The following STXBP5L variants were observed in gnomAD, a reference collection of about 807,000 sequenced individuals.
STXBP5L encodes the protein syntaxin binding protein 5L, also known as syntaxin-binding protein 5-like.
STXBP5L carries 65 observed loss-of-function variants against 144.5 expected under a neutral mutation model. The observed-to-expected ratio is 0.45, with a 90% CI of 0.37 to 0.55. The LOEUF (loss-of-function observed/expected upper bound fraction) is 0.55. Among genes scored for constraint, STXBP5L ranks in the 20% least tolerant of loss-of-function variants. The pLI is 0.00. For synonymous variants in STXBP5L, 505 were observed against 469.6 expected (o/e 1.08, Z -0.97); for missense variants, 1,298 against 1,405.5 (o/e 0.92, Z 1.22).
intron 5 of STXBP5L, among the ~76,000 whole-genome samples, chr3:121,054,169 G>A (rs1410050530): frequency 1.3e-5 from 2 of 152,162 alleles, no homozygotes; most frequent in Non-Finnish European, 2.9e-5. Context: ...CAACCATTGT[G>A]GAAGTCAGTG....
rs2047308151 is a variant in STXBP5L at position 121,419,169 on chromosome 3, TCAACTGCTAG to T, written c.*73_*82del. The T allele has an allele frequency of 4.3e-6, 6 of 1,392,424 alleles. No individual in the cohort carries two copies. The highest frequency in any genetic ancestry group is 5.0e-6 in the Non-Finnish European group (5 of 1,008,286). The allele number at this position is 1,392,424 out of a possible 1,614,324, so 86.3% of individuals were successfully genotyped here. On this transcript the variant is annotated 3_prime_UTR_variant, in exon 27 of 27. Transcript: ENST00000471454. ...CCAAATTTATTCCCAGCATCACTAC[TCAACTGCTAG>T]AAGCCAGTTTCTTCTACAAAATGTT...
At chr3:121,269,959 G>A (rs763486493) in intron 18 of STXBP5L, among the ~76,000 whole-genome samples, 13 of 152,162 alleles carry the variant, frequency 8.5e-5, no homozygotes, top group Non-Finnish European at 1.6e-4. Context: ...TTAGACTTAA[G>A]TTGTGTTACT....
At chr3:121,217,995 T>C (rs1036389502) in intron 10 of STXBP5L, among the ~76,000 whole-genome samples, 1 of 145,230 alleles carries the variant, frequency 6.9e-6, no homozygotes, top group Non-Finnish European at 1.5e-5. Context: ...TATTACTATA[T>C]AATATATAGT....
intron 18 of STXBP5L, among the ~76,000 whole-genome samples, chr3:121,275,739 T>C (rs1243865264): frequency 6.6e-6 from 1 of 152,160 alleles, no homozygotes; most frequent in East Asian, 1.9e-4. Context: ...TTAGGATTGC[T>C]ATATCTTCTT....
chr3:121,092,999 C>T (rs2042897872), intron 5 of STXBP5L, among the ~76,000 whole-genome samples: 1 of 152,182 alleles, frequency 6.6e-6, no homozygotes. Flanking sequence ...TGAATTTTGT[C>T]AAAGGCCTTT....
intron 5 of STXBP5L, among the ~76,000 whole-genome samples, chr3:121,052,055 C>T (rs925720148): frequency 3.3e-5 from 5 of 152,170 alleles, no homozygotes; most frequent in African/African-American, 1.2e-4. Context: ...TCTGAATAGA[C>T]CAATAAGAGG....
chr3:121,297,859 T>C (rs1235548452), intron 19 of STXBP5L, among the ~76,000 whole-genome samples: 2 of 152,204 alleles, frequency 1.3e-5, no homozygotes, highest in Non-Finnish European at 2.9e-5. Context: ...ATGGAAATTA[T>C]AGAACTTAAA....
intron 5 of STXBP5L, among the ~76,000 whole-genome samples, chr3:121,065,355 A>G (rs911526898): frequency 1.3e-5 from 2 of 152,094 alleles, no homozygotes; most frequent in African/African-American, 4.8e-5. Context: ...TTGTATATAC[A>G]TATTTTATAA....
chr3:120,954,443 T>A (rs554395590), intron 2 of STXBP5L, among the ~76,000 whole-genome samples: 1 of 151,856 alleles, frequency 6.6e-6, no homozygotes, highest in Non-Finnish European at 1.5e-5. Context: ...CTTAGCATAG[T>A]TTTTTTTGAG....
At chr3:121,303,958 A>G (rs1478644053) in intron 19 of STXBP5L, among the ~76,000 whole-genome samples, 5 of 152,078 alleles carry the variant, frequency 3.3e-5, no homozygotes, top group African/African-American at 1.2e-4. Context: ...CAGCACACAA[A>G]CATGGCACAT....
At chr3:121,270,057 C>A (rs1427457768) in intron 18 of STXBP5L, among the ~76,000 whole-genome samples, 2 of 152,044 alleles carry the variant, frequency 1.3e-5, no homozygotes, top group East Asian at 3.9e-4. Flanking sequence ...CTTGTAAGAA[C>A]CTTTGAAATT....
intron 3 of STXBP5L, among the ~76,000 whole-genome samples, chr3:120,958,567 G>C (rs915398239): frequency 1.3e-5 from 2 of 152,082 alleles, no homozygotes; most frequent in Non-Finnish European, 2.9e-5. Flanking sequence ...TGATCAAGTG[G>C]GCTTCATCCC....
intron 2 of STXBP5L, among the ~76,000 whole-genome samples, chr3:120,910,270 G>A (rs1400401434): frequency 6.6e-6 from 1 of 152,156 alleles, no homozygotes; most frequent in Non-Finnish European, 1.5e-5. Flanking sequence ...TACACAAACA[G>A]ACAAATGCAC....
chr3:121,114,394 C>G (rs3914738), intron 5 of STXBP5L, among the ~76,000 whole-genome samples: 15,129 of 152,194 alleles, frequency 0.099, 1,185 homozygotes, highest in Admixed American at 0.2. Flanking sequence ...TACCACTTCT[C>G]TGTGAACTCT....
chr3:121,023,388 A>G (rs1945700653), intron 3 of STXBP5L, among the ~76,000 whole-genome samples: 1 of 152,164 alleles, frequency 6.6e-6, no homozygotes, highest in Admixed American at 6.5e-5. Flanking sequence ...GAACTAGAAA[A>G]TACAATCATA....
intron 16 of STXBP5L, among the ~76,000 whole-genome samples, chr3:121,255,480 T>C (rs1328321039): frequency 6.6e-6 from 1 of 152,052 alleles, no homozygotes; most frequent in Non-Finnish European, 1.5e-5. Context: ...TTTTGAACTA[T>C]GTATATATTG....
chr3:121,105,395 A>AAAATAAATAAATAAATAAATAAATAAAT (rs573583424), intron 5 of STXBP5L, among the ~76,000 whole-genome samples: 1,798 of 149,772 alleles, frequency 0.012, 33 homozygotes, highest in African/African-American at 0.034. Flanking sequence ...ACTCTGTCTC[A>AAAATAAATAAATAAATAAATAAATAAAT]AAATAAATAA....
At chr3:121,285,131 G>A (rs898768705) in intron 19 of STXBP5L, among the ~76,000 whole-genome samples, 1 of 151,952 alleles carries the variant, frequency 6.6e-6, no homozygotes. Context: ...CATATTTGGG[G>A]TAATAGAACC....
At chr3:121,197,604 T>C (rs1360202574) in intron 9 of STXBP5L, among the ~76,000 whole-genome samples, 1 of 152,020 alleles carries the variant, frequency 6.6e-6, no homozygotes, top group Admixed American at 6.6e-5. Flanking sequence ...ATCATCTAGG[T>C]TTTAAGCCCC....
Sources: gnomAD v4.1 joint callset for allele counts (sites outside exome capture counted in the v4.1 genomes callset) on GRCh38, gnomAD v4.1.1 for gene constraint, MANE v1.5 for transcripts, NCBI Gene and HGNC (gene_info 2026-07-23, HGNC 2026-07-21) for gene names.